The following RPL35A variants were observed in gnomAD, a reference collection of about 807,000 sequenced individuals.
RPL35A encodes the protein ribosomal protein L35a.
Under a neutral mutation model 16.7 loss-of-function variants are expected in RPL35A, and 1 was observed. The observed-to-expected ratio is 0.06, with a 90% CI of 0.02 to 0.28. The LOEUF is 0.28. RPL35A is among the 10% of genes least tolerant of loss of function. The pLI, the probability that RPL35A is intolerant of heterozygous loss-of-function variation, is 1.00. For synonymous variants in RPL35A, 58 were observed against 47.0 expected, an observed-to-expected ratio of 1.23 and a Z score of -0.96; for missense variants, 91 against 138.7, an observed-to-expected ratio of 0.66 and a Z score of 1.73.
rs554809772 is a variant in RPL35A, at chr3:197,953,670, C to T, written c.165-333C>T. 1.6e-5 allele frequency: 7 copies of T among 433,868 alleles called. No homozygotes were observed. In the East Asian group the frequency reaches 1.8e-4, roughly 11 times the overall value. 26.9% of individuals were successfully genotyped at this position (433,868 alleles called of 1,614,324 possible). ...CTATTTAAAATGGCAGGTAATTCCT[C>T]CTTTCTGTACACACAAATATCCTCA... On this transcript the variant is annotated intron_variant, in intron 3 of 4. Transcript: ENST00000647248.
intron 3 of RPL35A, chr3:197,952,761 TG>T (rs1452597887): frequency 2.0e-5 from 3 of 152,284 alleles, no homozygotes; most frequent in Non-Finnish European, 4.4e-5. Flanking sequence ...CCCAGAGTGC[TG>T]GGATTATAGC....
intron 3 of RPL35A, 26 bp from the exon 4 acceptor site, chr3:197,953,977 C>T (rs1217209221): frequency 6.2e-7 from 1 of 1,611,638 alleles, no homozygotes; most frequent in East Asian, 2.2e-5. Flanking sequence ...AGCTTGTATT[C>T]CTCTTCTTTC....
chr3:197,954,084 C>T lies in RPL35A; in HGVS notation c.246C>T (p.Gly82=), dbSNP rs770283631. Residue 82 remains glycine (G), a synonymous_variant, in exon 4 of 5, where the codon GGC becomes GGT. Coordinates refer to ENST00000647248, the MANE Select transcript of RPL35A (RefSeq NM_000996.4). ...TAACTCGGGCCCATGGAAACAGTGG[C>T]ATGGTTCGTGCCAAATTCCGAAGCA... The part of the protein sequence containing the change: ...GKVTRAHGNS[G]MVRAKFRSNL... 1.9e-6 allele frequency: 3 copies of T among 1,614,168 alleles called. No homozygotes were observed. The highest frequency in any genetic ancestry group is 3.3e-5 in the Admixed American group (2 of 60,022).
rs1348635519 is a variant in RPL35A, at chr3:197,954,075, A to G, written c.237A>G (p.Gly79=). 2 of 1,614,192 alleles carry G rather than the reference A, an allele frequency of 1.2e-6. No homozygotes were observed. The highest frequency in any genetic ancestry group is 1.7e-5 in the Admixed American group (1 of 60,022). ...GGGGAAAAGTAACTCGGGCCCATGG[A>G]AACAGTGGCATGGTTCGTGCCAAAT... ...VIWGKVTRAH[G]NSGMVRAKFR... The change falls in exon 4 of 5, where the codon GGA becomes GGG. Residue 79 remains glycine, a synonymous_variant. Transcript: ENST00000647248.
chr3:197,955,155 A>AG (rs764938477), intron 4 of RPL35A, among the ~76,000 whole-genome samples: 12 of 152,304 alleles, frequency 7.9e-5, no homozygotes, highest in African/African-American at 2.4e-4. Context: ...TCTTGGGGCC[A>AG]GGGGGTACTG....
chr3:197,953,088 C>G (rs1012659632), intron 3 of RPL35A, among the ~76,000 whole-genome samples: 1 of 152,228 alleles, frequency 6.6e-6, no homozygotes, highest in African/African-American at 2.4e-5. Context: ...CGTGAGCCAT[C>G]GTGCCATTGC....
chr3:197,952,367 A>G (rs575896286), intron 3 of RPL35A, among the ~76,000 whole-genome samples: 1 of 151,480 alleles, frequency 6.6e-6, no homozygotes, highest in African/African-American at 2.4e-5. Context: ...ATGGGGTTTC[A>G]CCATTTTGGC....
intron 1 of RPL35A, 69 bp downstream of exon 1, chr3:197,950,290 C>T (rs1006922321): frequency 3.3e-6 from 4 of 1,229,722 alleles, no homozygotes; most frequent in Non-Finnish European, 4.1e-6. Context: ...TGTGCCTTGG[C>T]GAGTCGCCGG....
At chr3:197,950,452 C>A in intron 1 of RPL35A, 4 of 568,666 alleles carry the variant, frequency 7.0e-6, no homozygotes, top group Non-Finnish European at 9.9e-6. Context: ...TGGGCCTGAA[C>A]GGAGTGAAAC....
At chr3:197,954,252 T>A in intron 4 of RPL35A, 105 bp downstream of exon 4, 1 of 1,131,578 alleles carries the variant, frequency 8.8e-7, no homozygotes, top group Non-Finnish European at 1.3e-6. Flanking sequence ...TTGACACCAG[T>A]AAATTATGCT....
intron 3 of RPL35A, among the ~76,000 whole-genome samples, chr3:197,952,835 A>C (rs1204492729): frequency 1.0e-4 from 15 of 147,002 alleles, no homozygotes; most frequent in Non-Finnish European, 1.5e-4. Context: ...TATGCTGTAG[A>C]CTTTTTTTTT....
intron 4 of RPL35A, among the ~76,000 whole-genome samples, chr3:197,954,653 G>GCATA (rs935570292): frequency 6.6e-6 from 1 of 152,116 alleles, no homozygotes; most frequent in Non-Finnish European, 1.5e-5. Flanking sequence ...GGAATTACAG[G>GCATA]CGTATATACC....
At chr3:197,952,674 A>G (rs1720209317) in intron 3 of RPL35A, 1 of 151,634 alleles carries the variant, frequency 6.6e-6, no homozygotes, top group African/African-American at 2.4e-5. Flanking sequence ...TTATGTTTTT[A>G]GTAGAAACGG....
chr3:197,950,828 A>G, intron 1 of RPL35A, 108 bp from the exon 2 acceptor site: 2 of 956,334 alleles, frequency 2.1e-6, no homozygotes, highest in Non-Finnish European at 3.3e-6. Flanking sequence ...GAACTCCTAC[A>G]TGAAACTCCC....
chr3:197,954,325 GTTTGTTT>G (rs1449058866), intron 4 of RPL35A, 178 bp downstream of exon 4: 13 of 704,808 alleles, frequency 1.8e-5, no homozygotes, highest in Middle Eastern at 2.8e-4. Context: ...GTGTTTGGTT[GTTTGTTT>G]TTTGTTTTTT....
chr3:197,951,242 G>A lies in RPL35A; in HGVS notation c.95G>A (p.Gly32Asp). ...REHTALLKIE[G>D]VYARDETEFY... ...CACACAGCTCTTCTTAAAATTGAAG[G>A]TGTTTACGCCCGAGATGAAACAGAA... is the stretch of plus-strand genomic sequence containing the variant. The change falls in exon 3 of 5, where the codon GGT becomes GAT. Residue 32 changes from glycine (G) to aspartate (D), a missense_variant. Gly to Asp is a moderately conservative substitution (Grantham distance 94, BLOSUM62 -1). Transcript: ENST00000647248. 1 of 1,614,176 alleles carries A rather than the reference G, an allele frequency of 6.2e-7. No homozygotes were observed. Among genetic ancestry groups the A allele is most frequent in the East Asian group, 2.2e-5 (1 of 44,890 alleles).
At chr3:197,950,403 C>A in intron 1 of RPL35A, 182 bp downstream of exon 1, 1 of 1,077,132 alleles carries the variant, frequency 9.3e-7, no homozygotes, top group Non-Finnish European at 1.2e-6. Flanking sequence ...TCCCCTGACA[C>A]CCGGAGAACG....
intron 3 of RPL35A, among the ~76,000 whole-genome samples, chr3:197,952,300 GC>G (rs1201021633): frequency 1.3e-5 from 2 of 149,656 alleles, no homozygotes; most frequent in East Asian, 4.0e-4. Flanking sequence ...CTCCTGAGTA[GC>G]TGGGATTACA....
At chr3:197,951,125 TTA>T in intron 2 of RPL35A, 32 bp from the exon 3 acceptor site, 5 of 1,613,874 alleles carry the variant, frequency 3.1e-6, no homozygotes, top group South Asian at 2.2e-5. Context: ...TTTTTGAAGC[TTA>T]TGTTTCATGT....
Sources: gnomAD v4.1 joint callset for allele counts (sites outside exome capture counted in the v4.1 genomes callset) on GRCh38, gnomAD v4.1.1 for gene constraint, MANE v1.5 for transcripts, NCBI Gene and HGNC (gene_info 2026-07-23, HGNC 2026-07-21) for gene names.